Variants in EXOC4 observed in about 807,000 individuals in gnomAD.
EXOC4 encodes exocyst complex component 4.
In EXOC4, 71 loss-of-function variants were observed where a neutral mutation model predicts 107.2. The observed-to-expected ratio is 0.66, with a 90% CI of 0.55 to 0.81. The LOEUF is 0.81. Among genes scored for constraint, EXOC4 ranks in the 30% least tolerant of loss-of-function variants. The probability of loss-of-function intolerance (pLI) is 0.00; values close to 1 mark genes in which losing one functional copy is unlikely to be tolerated. For missense variants in EXOC4, 1,108 were observed against 1,189.6 expected (o/e 0.93, Z 1.01); for synonymous variants, 456 against 441.2 (o/e 1.03, Z -0.42).
rs558520273 is a variant in EXOC4, at chr7:133,948,017, G to A, written c.2206+9948G>A. 1.6e-4 allele frequency among the ~76,000 whole-genome samples: 24 copies of A among 152,298 alleles called. No individual in the cohort carries two copies. The East Asian group carries it at 3.7e-3, about 23-fold the overall frequency. ...TGCAAAGCCAGACAGAGAAGATGGT[G>A]GAAATGCAGAATCACCAGAGCCTGA... is the stretch of plus-strand genomic sequence containing the variant. On this transcript the variant is annotated intron_variant, in intron 14 of 17. Coordinates refer to ENST00000253861, the MANE Select transcript of EXOC4 (RefSeq NM_021807.4).
chr7:133,476,325 T>C (rs1409129832), intron 8 of EXOC4, among the ~76,000 whole-genome samples: 5 of 152,158 alleles, frequency 3.3e-5, no homozygotes, highest in Non-Finnish European at 1.5e-5. Flanking sequence ...ACAGAAGGTC[T>C]CATAGCTAGC....
At chr7:134,100,730 G>A in the EXOC4 span, among the ~76,000 whole-genome samples, 1 of 130,052 alleles carries the variant, frequency 7.7e-6, no homozygotes, top group Non-Finnish European at 1.7e-5. Flanking sequence ...TAGATCACGA[G>A]GTCAAGAGAT....
chr7:134,047,491 A>T (rs1433476676), intron 17 of EXOC4, among the ~76,000 whole-genome samples: 1 of 152,048 alleles, frequency 6.6e-6, no homozygotes, highest in East Asian at 1.9e-4. Context: ...ATTTTATCCT[A>T]TTGTATGTCA....
rs182680485 is a variant in EXOC4, at chr7:133,750,191, C to G, written c.1515-67134C>G. Among the ~76,000 whole-genome samples, 185 of 152,020 alleles carry G rather than the reference C, an allele frequency of 1.2e-3. 1 individual carries two copies. Among genetic ancestry groups the G allele is most frequent in the African/African-American group, 4.3e-3 (179 of 41,482 alleles). ...TCTGTTTCTCCACTACATCCACTTC[C>G]CATTGTCTCCTTTCCCTGAAGACTC... On this transcript the variant is annotated intron_variant, in intron 10 of 17. Coordinates refer to ENST00000253861, the MANE Select transcript of EXOC4 (RefSeq NM_021807.4).
chr7:133,478,030 G>T (rs189642092), intron 8 of EXOC4, among the ~76,000 whole-genome samples: 61 of 152,240 alleles, frequency 4.0e-4, no homozygotes, highest in African/African-American at 1.4e-3. Context: ...TGGAATCAGG[G>T]CTATGCCAGC....
chr7:133,358,276 C>T (rs1447578199), intron 6 of EXOC4, among the ~76,000 whole-genome samples: 1 of 152,116 alleles, frequency 6.6e-6, no homozygotes, highest in Non-Finnish European at 1.5e-5. Flanking sequence ...GGAGAACAGA[C>T]CTGACTTTGT....
At chr7:133,529,342 A>G (rs376147904) in intron 9 of EXOC4, among the ~76,000 whole-genome samples, 3 of 152,292 alleles carry the variant, frequency 2.0e-5, no homozygotes, top group Non-Finnish European at 2.9e-5. Context: ...ATAAACCCCT[A>G]TCATTCAGAC....
At chr7:133,410,004 G>C (rs142699011) in intron 7 of EXOC4, among the ~76,000 whole-genome samples, 1 of 152,194 alleles carries the variant, frequency 6.6e-6, no homozygotes, top group African/African-American at 2.4e-5. Context: ...ATAAAGATTA[G>C]AGACTGAGTA....
chr7:133,358,022 T>C (rs950499792), intron 6 of EXOC4, among the ~76,000 whole-genome samples: 1 of 152,050 alleles, frequency 6.6e-6, no homozygotes, highest in African/African-American at 2.4e-5. Flanking sequence ...ACGCCAACTC[T>C]ACTAAAAATA....
rs551761805 is a variant in EXOC4, at chr7:133,560,631, C to A, written c.1418-69414C>A. Among the ~76,000 whole-genome samples, 14 of 152,228 alleles carry A rather than the reference C, an allele frequency of 9.2e-5. No individual in the cohort carries two copies. The South Asian group carries it at 2.7e-3, about 29-fold the overall frequency. ...GGTGTGCCTTTCCATTTAAAAAAATCTTTCTTTTATGGTAAAGTGGGCTGG... is the reference window on the plus strand; with the variant it reads ...GGTGTGCCTTTCCATTTAAAAAAATATTTCTTTTATGGTAAAGTGGGCTGG... On this transcript the variant is annotated intron_variant, in intron 9 of 17. Transcript: ENST00000253861.
At chr7:133,901,736 A>G (rs1447817298) in intron 12 of EXOC4, among the ~76,000 whole-genome samples, 1 of 152,174 alleles carries the variant, frequency 6.6e-6, no homozygotes, top group Non-Finnish European at 1.5e-5. Flanking sequence ...ACTATTCCAC[A>G]TATTTCATAA....
At chr7:133,386,541 TC>T (rs953283977) in intron 7 of EXOC4, among the ~76,000 whole-genome samples, 3 of 152,196 alleles carry the variant, frequency 2.0e-5, no homozygotes, top group African/African-American at 7.2e-5. Flanking sequence ...GAGCAATCCT[TC>T]ACCACTTTAG....
intron 13 of EXOC4, among the ~76,000 whole-genome samples, chr7:133,923,496 C>A (rs973553173): frequency 6.6e-6 from 1 of 152,122 alleles, no homozygotes; most frequent in Admixed American, 6.6e-5. Flanking sequence ...ATGCATTTAT[C>A]TCTTGAACAA....
chr7:133,635,590 T>C lies in EXOC4; in HGVS notation c.1514+5449T>C, dbSNP rs1195818636. Reference sequence around the variant, plus strand: ...CCAATAAGGTATATTGGTAGGAGCATTGCTAAATTGAAACAAAGTCATGCC... The same window carrying C: ...CCAATAAGGTATATTGGTAGGAGCACTGCTAAATTGAAACAAAGTCATGCC... On this transcript the variant is annotated intron_variant, in intron 10 of 17. Coordinates refer to ENST00000253861, the MANE Select transcript of EXOC4 (RefSeq NM_021807.4). Among the ~76,000 whole-genome samples, 11 of 152,276 alleles carry C rather than the reference T, an allele frequency of 7.2e-5. No homozygotes were observed. The East Asian group carries it at 1.5e-3, about 21-fold the overall frequency.
intron 11 of EXOC4, among the ~76,000 whole-genome samples, chr7:133,877,030 C>T (rs1798864257): frequency 6.6e-6 from 1 of 151,976 alleles, no homozygotes; most frequent in Non-Finnish European, 1.5e-5. Context: ...CCCCCACCCC[C>T]AGTTGTGTGT....
At chr7:133,276,864 T>C (rs1481539665) in intron 2 of EXOC4, among the ~76,000 whole-genome samples, 4 of 152,234 alleles carry the variant, frequency 2.6e-5, no homozygotes, top group Admixed American at 6.5e-5. Flanking sequence ...ACTGATGATA[T>C]ATGACTTTCA....
chr7:133,442,455 A>G (rs1319399296), intron 7 of EXOC4, among the ~76,000 whole-genome samples: 1 of 152,160 alleles, frequency 6.6e-6, no homozygotes, highest in Non-Finnish European at 1.5e-5. Context: ...AGAGCCCCCA[A>G]GAGCGGGCAG....
intron 10 of EXOC4, among the ~76,000 whole-genome samples, chr7:133,770,876 A>G (rs1796231093): frequency 6.6e-6 from 1 of 151,952 alleles, no homozygotes; most frequent in Admixed American, 6.6e-5. Flanking sequence ...ATTGTTGCAT[A>G]ATACATAGTA....
intron 14 of EXOC4, among the ~76,000 whole-genome samples, chr7:133,982,883 T>C (rs965614481): frequency 4.6e-5 from 7 of 152,206 alleles, no homozygotes; most frequent in African/African-American, 1.7e-4. Context: ...AAACACATTA[T>C]GTGTTAGGGA....
Sources: gnomAD v4.1 joint callset for allele counts (sites outside exome capture counted in the v4.1 genomes callset) on GRCh38, gnomAD v4.1.1 for gene constraint, MANE v1.5 for transcripts, NCBI Gene and HGNC (gene_info 2026-07-23, HGNC 2026-07-21) for gene names.